NKAIN2: variants seen among roughly 807,000 people sequenced by gnomAD.
The protein encoded by NKAIN2 is sodium/potassium-transporting ATPase subunit beta-1-interacting protein 2.
A neutral mutation model predicts 32.6 loss-of-function variants in NKAIN2; 14 were observed. That is an observed-to-expected ratio of 0.43 (90% CI 0.28 to 0.67). The LOEUF (loss-of-function observed/expected upper bound fraction) is 0.67. Ranked by LOEUF, NKAIN2 falls within the 30% of genes least tolerant of loss-of-function variation. The probability of loss-of-function intolerance (pLI) is 0.17; values close to 1 mark genes in which losing one functional copy is unlikely to be tolerated. For missense variants in NKAIN2, 198 were observed against 258.3 expected (o/e 0.77, Z 1.60); for synonymous variants, 80 against 87.2 (o/e 0.92, Z 0.46).
chr6:124,227,173 G>C (rs181218872), intron 1 of NKAIN2, among the ~76,000 whole-genome samples: 124 of 151,718 alleles, frequency 8.2e-4, no homozygotes, highest in Non-Finnish European at 1.5e-3. Flanking sequence ...ATGCCACTTA[G>C]AGGGACTTGA....
At chr6:123,926,321 C>A (rs1016776317) in intron 1 of NKAIN2, among the ~76,000 whole-genome samples, 2 of 152,194 alleles carry the variant, frequency 1.3e-5, no homozygotes, top group East Asian at 1.9e-4. Flanking sequence ...TTACAGCTGT[C>A]TTCTGGACAC....
Position 124,677,388 on chromosome 6 carries a change from TTTCTCTTGGTC to T in NKAIN2, c.474+19005_474+19015del, listed in dbSNP as rs1160049246. ...TTACTATTGCCATTTTGTTAATTGT[TTTCTCTTGGTC>T]TTGTAGGTTTTTTTCATCTTCTTTC... On this transcript the variant is annotated intron_variant, in intron 4 of 6. Coordinates refer to ENST00000368417, the MANE Select transcript of NKAIN2 (RefSeq NM_001040214.3). Among the ~76,000 whole-genome samples the T allele has an allele frequency of 1.4e-4, 21 of 152,228 alleles. 1 individual carries two copies. Among genetic ancestry groups the T allele is most frequent in the Admixed American group, 1.1e-3 (17 of 15,280 alleles).
chr6:124,389,346 T>C (rs17051780), intron 3 of NKAIN2, among the ~76,000 whole-genome samples: 24,973 of 152,066 alleles, frequency 0.16, 3,512 homozygotes, highest in African/African-American at 0.39. Flanking sequence ...AATTTAAAAA[T>C]TCTGCCTCAG....
chr6:124,239,696 A>G (rs1394030448), intron 1 of NKAIN2, among the ~76,000 whole-genome samples: 1 of 152,178 alleles, frequency 6.6e-6, no homozygotes, highest in Admixed American at 6.5e-5. Flanking sequence ...TTTGAAACCA[A>G]TGAGAACAAA....
At chr6:124,053,175 C>T (rs1250604514) in intron 1 of NKAIN2, among the ~76,000 whole-genome samples, 1 of 151,914 alleles carries the variant, frequency 6.6e-6, no homozygotes, top group Admixed American at 6.6e-5. Flanking sequence ...GTTTGTTGCA[C>T]AGATTATTTC....
At chr6:124,746,748 C>T (rs1301672850) in intron 4 of NKAIN2, among the ~76,000 whole-genome samples, 1 of 151,802 alleles carries the variant, frequency 6.6e-6, no homozygotes, top group African/African-American at 2.4e-5. Flanking sequence ...AGAAATTTTT[C>T]AATGCCAAGA....
chr6:124,092,132 T>C (rs1784453632), intron 1 of NKAIN2, among the ~76,000 whole-genome samples: 1 of 152,126 alleles, frequency 6.6e-6, no homozygotes, highest in Non-Finnish European at 1.5e-5. Flanking sequence ...AAATAATTGC[T>C]TTCTATTTTG....
chr6:124,142,891 G>A (rs2114343094), intron 1 of NKAIN2, among the ~76,000 whole-genome samples: 1 of 152,234 alleles, frequency 6.6e-6, no homozygotes, highest in East Asian at 1.9e-4. Context: ...TAAAAAAGAA[G>A]TAAAGCAGTT....
chr6:124,082,974 G>A (rs1036652619), intron 1 of NKAIN2, among the ~76,000 whole-genome samples: 6 of 151,802 alleles, frequency 4.0e-5, no homozygotes, highest in African/African-American at 9.7e-5. Context: ...CCTTTCATAC[G>A]TAACAACTAT....
chr6:124,747,522 A>G (rs1326390425), intron 4 of NKAIN2, among the ~76,000 whole-genome samples: 1 of 151,864 alleles, frequency 6.6e-6, no homozygotes, highest in Non-Finnish European at 1.5e-5. Flanking sequence ...AGTGTGAAGG[A>G]GAGAAGTTAT....
chr6:124,167,983 GA>G (rs1788649532), intron 1 of NKAIN2, among the ~76,000 whole-genome samples: 1 of 152,062 alleles, frequency 6.6e-6, no homozygotes, highest in Non-Finnish European at 1.5e-5. Context: ...CTTCTCTTTT[GA>G]GAATCCAAAA....
intron 1 of NKAIN2, among the ~76,000 whole-genome samples, chr6:124,280,507 T>C (rs1312789133): frequency 6.6e-6 from 1 of 152,156 alleles, no homozygotes; most frequent in African/African-American, 2.4e-5. Flanking sequence ...AGATAATCAC[T>C]TAGCACACCA....
chr6:124,764,303 T>C (rs909410377), intron 4 of NKAIN2, among the ~76,000 whole-genome samples: 2 of 152,354 alleles, frequency 1.3e-5, no homozygotes, highest in Middle Eastern at 3.4e-3. Context: ...TTAATGCTTA[T>C]CACTAATTTA....
At chr6:124,460,329 G>A (rs935389244) in intron 3 of NKAIN2, among the ~76,000 whole-genome samples, 3 of 151,640 alleles carry the variant, frequency 2.0e-5, no homozygotes, top group East Asian at 1.9e-4. Context: ...GAATAATGAG[G>A]TGGTCACAAC....
chr6:124,102,214 C>G (rs1035296089), intron 1 of NKAIN2, among the ~76,000 whole-genome samples: 21 of 152,244 alleles, frequency 1.4e-4, no homozygotes, highest in African/African-American at 4.8e-4. Context: ...GACCACTGCC[C>G]CTTCACTGGT....
At chr6:123,870,283 G>T (rs12189898) in intron 1 of NKAIN2, among the ~76,000 whole-genome samples, 3 of 151,950 alleles carry the variant, frequency 2.0e-5, no homozygotes, top group Admixed American at 6.6e-5. Flanking sequence ...GTGTGTGTTG[G>T]GGGGAGTTGG....
At chr6:124,282,477 A>G (rs1562469182) in intron 1 of NKAIN2, among the ~76,000 whole-genome samples, 1 of 152,150 alleles carries the variant, frequency 6.6e-6, no homozygotes, top group South Asian at 2.1e-4. Context: ...CAGAGAAGGG[A>G]AATGACTTGC....
intron 5 of NKAIN2, among the ~76,000 whole-genome samples, chr6:124,794,467 C>CA (rs746413353): frequency 2.0e-5 from 3 of 152,114 alleles, no homozygotes; most frequent in Admixed American, 6.5e-5. Context: ...TGAAAGACTC[C>CA]AAAAAATAAC....
At chr6:124,094,463 T>C (rs1784566992) in intron 1 of NKAIN2, among the ~76,000 whole-genome samples, 1 of 152,152 alleles carries the variant, frequency 6.6e-6, no homozygotes, top group Non-Finnish European at 1.5e-5. Flanking sequence ...CTAGGGAGAT[T>C]GAGAAATAAA....
Sources: gnomAD v4.1 joint callset for allele counts (sites outside exome capture counted in the v4.1 genomes callset) on GRCh38, gnomAD v4.1.1 for gene constraint, MANE v1.5 for transcripts, NCBI Gene and HGNC (gene_info 2026-07-23, HGNC 2026-07-21) for gene names.